BTG4: variants seen among roughly 807,000 people sequenced by gnomAD.
BTG4 encodes protein BTG4.
In BTG4, 10 loss-of-function variants were observed where a neutral mutation model predicts 19.3. The ratio of observed to expected loss-of-function variants is 0.52; its 90% CI spans 0.32 to 0.88. The LOEUF (loss-of-function observed/expected upper bound fraction) is 0.88. Among genes scored for constraint, BTG4 ranks in the 40% least tolerant of loss-of-function variants. BTG4 has a pLI of 0.04. For missense variants in BTG4, 238 were observed against 281.9 expected (o/e 0.84, Z 1.11); for synonymous variants, 91 against 95.7 (o/e 0.95, Z 0.29).
the BTG4 span, among the ~76,000 whole-genome samples, chr11:111,387,740 G>A: frequency 6.6e-6 from 1 of 152,188 alleles, no homozygotes; most frequent in Non-Finnish European, 1.5e-5. Flanking sequence ...AATGATCTTG[G>A]AAGATAATCA....
the BTG4 span, among the ~76,000 whole-genome samples, chr11:111,412,306 C>T: frequency 9.2e-5 from 14 of 152,176 alleles, no homozygotes; most frequent in African/African-American, 2.9e-4. Context: ...TTCAATCCAT[C>T]TTGGAACTAC....
chr11:111,431,363 TATGATGTAGGCAC>T, the BTG4 span, among the ~76,000 whole-genome samples: 1 of 152,170 alleles, frequency 6.6e-6, no homozygotes, highest in Non-Finnish European at 1.5e-5. Flanking sequence ...ATAGCAAGCC[TATGATGTAGGCAC>T]TGCCATTATT....
At chr11:111,418,915 T>C in the BTG4 span, among the ~76,000 whole-genome samples, 1 of 152,296 alleles carries the variant, frequency 6.6e-6, no homozygotes, top group East Asian at 1.9e-4. Context: ...TTCCTCACCA[T>C]TGTGGAGACT....
the BTG4 span, among the ~76,000 whole-genome samples, chr11:111,434,079 T>A: frequency 6.6e-6 from 1 of 152,242 alleles, no homozygotes; most frequent in Non-Finnish European, 1.5e-5. Context: ...TAAATCATGC[T>A]ACTATAAAGA....
chr11:111,394,738 C>A, the BTG4 span, among the ~76,000 whole-genome samples: 2 of 152,200 alleles, frequency 1.3e-5, no homozygotes, highest in South Asian at 4.1e-4. Context: ...TTGTGCCCAG[C>A]CCTGTGCCTG....
At chr11:111,456,077 C>G in the BTG4 span, among the ~76,000 whole-genome samples, 1 of 152,118 alleles carries the variant, frequency 6.6e-6, no homozygotes, top group Non-Finnish European at 1.5e-5. This position sits in a 1 kb window ranked among gnomAD's most constrained non-coding sequence, Gnocchi z 4.2. Flanking sequence ...GAAGGAGCCT[C>G]GAAAGTGGGA....
chr11:111,387,711 A>T, the BTG4 span, among the ~76,000 whole-genome samples: 1 of 152,192 alleles, frequency 6.6e-6, no homozygotes, highest in Non-Finnish European at 1.5e-5. Context: ...ATTATTATCT[A>T]TGGCCTGAGA....
the BTG4 span, among the ~76,000 whole-genome samples, chr11:111,426,509 G>T: frequency 6.6e-6 from 1 of 152,160 alleles, no homozygotes; most frequent in Non-Finnish European, 1.5e-5. Context: ...TTGTAGCGGT[G>T]GTGGGTGGAC....
At chr11:111,386,467 T>C in the BTG4 span, among the ~76,000 whole-genome samples, 1 of 152,132 alleles carries the variant, frequency 6.6e-6, no homozygotes, top group African/African-American at 2.4e-5. Context: ...ACTATGAAGA[T>C]TTTCTATGGC....
At chr11:111,478,010 A>C (rs904747071) in intron 5 of BTG4, among the ~76,000 whole-genome samples, 1 of 152,058 alleles carries the variant, frequency 6.6e-6, no homozygotes, top group Non-Finnish European at 1.5e-5. Flanking sequence ...CCCACAGGGT[A>C]GTTCAAACCC....
chr11:111,498,454 C>T, intron 2 of BTG4, 150 bp downstream of exon 2: 1 of 713,508 alleles, frequency 1.4e-6, no homozygotes. Flanking sequence ...ACTATGTCTC[C>T]TCCTTTCAAT....
the BTG4 span, among the ~76,000 whole-genome samples, chr11:111,443,539 C>CA: frequency 2.0e-5 from 3 of 151,590 alleles, no homozygotes; most frequent in East Asian, 1.9e-4. Flanking sequence ...TAAAGTTTTT[C>CA]AAAAAAATAT....
chr11:111,387,603 G>A, the BTG4 span, among the ~76,000 whole-genome samples: 2 of 152,280 alleles, frequency 1.3e-5, no homozygotes, highest in East Asian at 1.9e-4. Flanking sequence ...TAGACAGATG[G>A]CCTCTAGCCA....
chr11:111,500,679 C>CTTT (rs71303204), intron 1 of BTG4, among the ~76,000 whole-genome samples: 139 of 150,090 alleles, frequency 9.3e-4, no homozygotes, highest in South Asian at 2.1e-3. Context: ...GAGTAATCCT[C>CTTT]TTTTTTTTTT....
intron 5 of BTG4, among the ~76,000 whole-genome samples, chr11:111,473,138 T>C (rs538250632): frequency 1.4e-3 from 211 of 151,182 alleles, no homozygotes; most frequent in Non-Finnish European, 2.2e-3. Flanking sequence ...GGAGCTGGAA[T>C]GTTAGTCCTC....
chr11:111,393,793 T>G, the BTG4 span, among the ~76,000 whole-genome samples: 7 of 152,300 alleles, frequency 4.6e-5, no homozygotes, highest in South Asian at 1.5e-3. Context: ...AAAAGCTTCA[T>G]GCAAATGTGA....
At chr11:111,424,101 C>T in the BTG4 span, among the ~76,000 whole-genome samples, 2 of 152,324 alleles carry the variant, frequency 1.3e-5, no homozygotes, top group South Asian at 4.1e-4. Flanking sequence ...CCATCCTGCC[C>T]ATCGCAAGAA....
the BTG4 span, among the ~76,000 whole-genome samples, chr11:111,400,457 T>C: frequency 1.3e-5 from 2 of 152,224 alleles, no homozygotes; most frequent in South Asian, 2.1e-4. Flanking sequence ...TGTTAAATGA[T>C]GAAGAATGTT....
the BTG4 span, chr11:111,417,620 A>T: frequency 6.6e-6 from 1 of 152,288 alleles, no homozygotes; most frequent in African/African-American, 2.4e-5. Context: ...ACTCCCTCAT[A>T]GCACTGTCTG....
Sources: allele counts gnomAD v4.1 joint callset (sites outside exome capture counted in the v4.1 genomes callset), GRCh38; gene constraint gnomAD v4.1.1; non-coding constraint Gnocchi (gnomAD v3.1); transcripts MANE v1.5; gene names NCBI Gene and HGNC (gene_info 2026-07-23, HGNC 2026-07-21).